SLC39A11: variants seen among roughly 807,000 people sequenced by gnomAD.
SLC39A11 encodes solute carrier family 39 member 11, also known as zinc transporter ZIP11.
SLC39A11 carries 33 observed loss-of-function variants against 36.1 expected under a neutral mutation model. The observed-to-expected ratio is 0.91, with a 90% CI of 0.69 to 1.22. SLC39A11 has a LOEUF of 1.22. Ranked by LOEUF, SLC39A11 falls within the 50% of genes most tolerant of loss-of-function variation. The pLI is 0.00. For missense variants in SLC39A11, 432 were observed against 430.3 expected, an observed-to-expected ratio of 1.00 and a Z score of -0.03; for synonymous variants, 166 against 170.3, an observed-to-expected ratio of 0.97 and a Z score of 0.20.
At chr17:72,955,800 G>T (rs1006357553) in intron 4 of SLC39A11, among the ~76,000 whole-genome samples, 7 of 152,064 alleles carry the variant, frequency 4.6e-5, no homozygotes, top group Admixed American at 3.3e-4. Flanking sequence ...CCGATCTAGG[G>T]TAACCACAAG....
intron 7 of SLC39A11, among the ~76,000 whole-genome samples, chr17:72,701,354 T>C (rs989063498): frequency 6.6e-6 from 1 of 152,128 alleles, no homozygotes; most frequent in African/African-American, 2.4e-5. Context: ...AGGGACCATC[T>C]CCTTGTGTGG....
chr17:72,810,248 G>A (rs1384935750), intron 6 of SLC39A11, among the ~76,000 whole-genome samples: 1 of 151,940 alleles, frequency 6.6e-6, no homozygotes, highest in African/African-American at 2.4e-5. Context: ...TCTACCCCTA[G>A]GTACATATAC....
At chr17:72,780,526 G>A (rs913687963) in intron 6 of SLC39A11, among the ~76,000 whole-genome samples, 2 of 113,188 alleles carry the variant, frequency 1.8e-5, no homozygotes, top group Non-Finnish European at 3.4e-5. Context: ...AAGATGGGGG[G>A]CGGGTGGGGG....
chr17:72,692,233 G>A (rs1007238884), intron 7 of SLC39A11, among the ~76,000 whole-genome samples: 51 of 152,072 alleles, frequency 3.4e-4, no homozygotes, highest in African/African-American at 1.1e-3. Context: ...GGATGGTCTC[G>A]ATCTCCTGAC....
In SLC39A11 at chr17:72,875,665, A is replaced by C. The variant is rs145110965; in HGVS notation, c.431-25861T>G. Among the ~76,000 whole-genome samples, 24 of 152,298 alleles carry C rather than the reference A, an allele frequency of 1.6e-4. No homozygotes were observed. The East Asian group carries it at 4.6e-3, about 29-fold the overall frequency. On this transcript the variant is annotated intron_variant, in intron 5 of 9. Coordinates refer to ENST00000255559, the MANE Select transcript of SLC39A11 (RefSeq NM_139177.4). ...TTGATTTCCCAGTTCGCATGCATTTACTTATTAACGATGATCTAATTCGGA... is the reference window on the plus strand; with the variant it reads ...TTGATTTCCCAGTTCGCATGCATTTCCTTATTAACGATGATCTAATTCGGA...
chr17:72,872,590 C>T (rs2146400247), intron 5 of SLC39A11, among the ~76,000 whole-genome samples: 1 of 152,312 alleles, frequency 6.6e-6, no homozygotes, highest in African/African-American at 2.4e-5. Context: ...TTGCTTCTAA[C>T]CTCATAAGCT....
At chr17:72,675,213 G>C (rs184968747) in intron 7 of SLC39A11, among the ~76,000 whole-genome samples, 1 of 152,154 alleles carries the variant, frequency 6.6e-6, no homozygotes, top group Admixed American at 6.6e-5. Context: ...GCCTTTGGGA[G>C]GTCACTAGGT....
At chr17:72,719,157 GA>G (rs2143535231) in intron 7 of SLC39A11, among the ~76,000 whole-genome samples, 1 of 152,198 alleles carries the variant, frequency 6.6e-6, no homozygotes, top group South Asian at 2.1e-4. Flanking sequence ...CGAGGCATGA[GA>G]ATCACTTGAA....
At chr17:72,763,091 C>T (rs1047815904) in intron 6 of SLC39A11, among the ~76,000 whole-genome samples, 12 of 152,134 alleles carry the variant, frequency 7.9e-5, no homozygotes, top group African/African-American at 2.9e-4. Context: ...GACCACCTGA[C>T]CACAACCTTA....
chr17:72,751,916 C>T (rs1442611408), intron 6 of SLC39A11, among the ~76,000 whole-genome samples: 2 of 152,038 alleles, frequency 1.3e-5, no homozygotes, highest in Non-Finnish European at 2.9e-5. Context: ...AACTCTCCAC[C>T]CACTGAACCC....
At chr17:73,053,684 C>T (rs1301207012) in intron 3 of SLC39A11, among the ~76,000 whole-genome samples, 1 of 152,126 alleles carries the variant, frequency 6.6e-6, no homozygotes, top group Non-Finnish European at 1.5e-5. Flanking sequence ...AGCAAGGTGA[C>T]CCCAGGATTC....
chr17:72,977,465 T>C (rs988572546), intron 4 of SLC39A11, among the ~76,000 whole-genome samples: 3 of 151,988 alleles, frequency 2.0e-5, no homozygotes, highest in African/African-American at 7.3e-5. Context: ...AAGAGAAAAC[T>C]AAAATACCAG....
rs190761387 is a variant in SLC39A11 at position 73,011,898 on chromosome 17, G to C, written c.306+19658C>G. On this transcript the variant is annotated intron_variant, in intron 4 of 9. Transcript: ENST00000255559. ...GCTGGTCTCGAACTCCTGACCTCAGGTGATCCACACGCCTCGGCCTCCCAA... is the reference window on the plus strand; with the variant it reads ...GCTGGTCTCGAACTCCTGACCTCAGCTGATCCACACGCCTCGGCCTCCCAA... Among the ~76,000 whole-genome samples the C allele has an allele frequency of 1.2e-3, 179 of 151,068 alleles. 1 individual carries two copies. Among genetic ancestry groups the C allele is most frequent in the African/African-American group, 4.1e-3 (169 of 41,306 alleles).
chr17:72,679,902 C>A (rs555494593), intron 7 of SLC39A11, among the ~76,000 whole-genome samples: 1 of 151,868 alleles, frequency 6.6e-6, no homozygotes, highest in Admixed American at 6.6e-5. Context: ...ATTAGCTGGG[C>A]GTGGTGGCGC....
intron 7 of SLC39A11, among the ~76,000 whole-genome samples, chr17:72,675,606 C>T (rs1270398702): frequency 6.6e-6 from 1 of 152,152 alleles, no homozygotes; most frequent in Non-Finnish European, 1.5e-5. Flanking sequence ...CCTGGGAGTC[C>T]CAGCAAACTG....
chr17:72,877,594 G>A (rs2146485968), intron 5 of SLC39A11, among the ~76,000 whole-genome samples: 1 of 152,220 alleles, frequency 6.6e-6, no homozygotes, highest in Admixed American at 6.5e-5. Context: ...AGAAAAATCT[G>A]AAGCTAGGAG....
At chr17:73,085,233 C>T (rs1384101194) in intron 2 of SLC39A11, among the ~76,000 whole-genome samples, 1 of 151,924 alleles carries the variant, frequency 6.6e-6, no homozygotes, top group Admixed American at 6.6e-5. Context: ...ACAGGCCGGG[C>T]ACAGTGCTCA....
intron 6 of SLC39A11, among the ~76,000 whole-genome samples, chr17:72,810,229 C>A (rs1485062447): frequency 6.6e-6 from 1 of 152,082 alleles, no homozygotes; most frequent in East Asian, 1.9e-4. Context: ...TATGCTATGA[C>A]CCAACAATTC....
At chr17:72,837,809 A>G (rs750524987) in intron 6 of SLC39A11, 92 of 528,474 alleles carry the variant, frequency 1.7e-4, no homozygotes, top group Non-Finnish European at 2.3e-4. Flanking sequence ...ATATTACATG[A>G]TACCGTTTAA....
Sources: gnomAD v4.1 joint callset for allele counts (sites outside exome capture counted in the v4.1 genomes callset) on GRCh38, gnomAD v4.1.1 for gene constraint, MANE v1.5 for transcripts, NCBI Gene and HGNC (gene_info 2026-07-23, HGNC 2026-07-21) for gene names.